The following PCDHA11 variants were observed in gnomAD, a reference collection of about 807,000 sequenced individuals.
The protein encoded by PCDHA11 is protocadherin alpha-11.
PCDHA11 carries 61 observed loss-of-function variants against 70.3 expected under a neutral mutation model. The ratio of observed to expected loss-of-function variants is 0.87; its 90% CI spans 0.71 to 1.07. PCDHA11 has a LOEUF of 1.07. Ranked by LOEUF, PCDHA11 falls within the 50% of genes least tolerant of loss-of-function variation. The probability of loss-of-function intolerance (pLI) is 0.00; values close to 1 mark genes in which losing one functional copy is unlikely to be tolerated. For synonymous variants in PCDHA11, 633 were observed against 555.1 expected, an observed-to-expected ratio of 1.14 and a Z score of -1.97; for missense variants, 1,324 against 1,237.5, an observed-to-expected ratio of 1.07 and a Z score of -1.05.
chr5:140,968,221 T>C, intron 1 of PCDHA11: 1 of 1,613,918 alleles, frequency 6.2e-7, no homozygotes, highest in Admixed American at 1.7e-5. Context: ...ATTTGCCAGG[T>C]GTGTTGCTCT....
intron 1 of PCDHA11, among the ~76,000 whole-genome samples, chr5:140,975,119 A>C (rs2096654213): frequency 6.6e-6 from 1 of 152,038 alleles, no homozygotes; most frequent in African/African-American, 2.4e-5. Context: ...CTGTTTTCCT[A>C]CTTACTATTG....
intron 1 of PCDHA11, among the ~76,000 whole-genome samples, chr5:140,976,317 G>A (rs1284415282): frequency 6.6e-6 from 1 of 152,212 alleles, no homozygotes; most frequent in Admixed American, 6.5e-5. Context: ...TTGGGAGGCC[G>A]AGGAGGGTGG....
intron 1 of PCDHA11, among the ~76,000 whole-genome samples, chr5:140,962,106 C>T (rs1156902232): frequency 4.6e-5 from 7 of 152,130 alleles, no homozygotes; most frequent in Non-Finnish European, 7.4e-5. Context: ...AGGATGGTCT[C>T]GATCTCCTAA....
chr5:140,884,731 C>T (rs2060333216), intron 1 of PCDHA11: 2 of 1,449,296 alleles, frequency 1.4e-6, no homozygotes, highest in East Asian at 4.9e-5. Flanking sequence ...TTGTTTAAGA[C>T]ATCTTTCCTG....
At chr5:140,938,125 A>G (rs1339364898) in intron 1 of PCDHA11, among the ~76,000 whole-genome samples, 1 of 152,120 alleles carries the variant, frequency 6.6e-6, no homozygotes, top group Admixed American at 6.5e-5. Context: ...TTTTTTAAAA[A>G]AATAGAGATA....
intron 1 of PCDHA11, chr5:140,929,861 G>C (rs2086430114): frequency 6.5e-6 from 1 of 153,628 alleles, no homozygotes; most frequent in Admixed American, 6.5e-5. Context: ...AGTCAGAGAA[G>C]GCTTTGTGAT....
At chr5:140,927,051 G>C (rs1554203978) in intron 1 of PCDHA11, 1 of 1,611,998 alleles carries the variant, frequency 6.2e-7, no homozygotes, top group Non-Finnish European at 8.5e-7. Flanking sequence ...TGTCCTCGCG[G>C]AACTTTCGCT....
chr5:140,870,391 G>A lies in PCDHA11; in HGVS notation c.1288G>A (p.Gly430Ser). 1.9e-6 allele frequency: 3 copies of A among 1,614,230 alleles called. No homozygotes were observed. Among genetic ancestry groups the A allele is most frequent in the East Asian group, 2.2e-5 (1 of 44,872 alleles). ...YELVVTARDG[G>S]SPSLWATARV... The stretch of plus-strand genomic sequence containing the variant: ...ACTGGTGGTGACTGCGCGGGATGGG[G>A]GTTCGCCTTCTCTGTGGGCCACGGC... The change falls in exon 1 of 4, where the codon GGT becomes AGT. Residue 430 changes from glycine (G) to serine (S), a missense_variant. Gly to Ser is a moderately conservative substitution (Grantham distance 56). Transcript: ENST00000398640.
At chr5:140,908,844 C>T (rs533219921) in intron 1 of PCDHA11, among the ~76,000 whole-genome samples, 2 of 152,272 alleles carry the variant, frequency 1.3e-5, no homozygotes, top group African/African-American at 4.8e-5. Context: ...GCTGGAGTAA[C>T]ATACCCAAAT....
chr5:140,907,433 G>A (rs1006736760), intron 1 of PCDHA11, among the ~76,000 whole-genome samples: 5 of 152,246 alleles, frequency 3.3e-5, no homozygotes, highest in Admixed American at 1.3e-4. Context: ...GGCATTCTGT[G>A]AGTCCACAGA....
At chr5:140,899,512 G>T (rs4386771) in intron 1 of PCDHA11, among the ~76,000 whole-genome samples, 1 of 152,040 alleles carries the variant, frequency 6.6e-6, no homozygotes, top group African/African-American at 2.4e-5. Flanking sequence ...TGCATATATT[G>T]CATCCCAGGG....
intron 1 of PCDHA11, among the ~76,000 whole-genome samples, chr5:140,965,879 G>A (rs920261632): frequency 6.6e-6 from 1 of 152,216 alleles, no homozygotes; most frequent in Non-Finnish European, 1.5e-5. Flanking sequence ...ACTTGGCCGA[G>A]AGCAGAATTG....
intron 1 of PCDHA11, among the ~76,000 whole-genome samples, chr5:140,931,396 G>A (rs1554208395): frequency 1.3e-5 from 2 of 152,118 alleles, no homozygotes; most frequent in Non-Finnish European, 2.9e-5. Context: ...ATAAGTAAGC[G>A]ATAGGAAGGC....
intron 3 of PCDHA11, among the ~76,000 whole-genome samples, chr5:140,992,707 C>T (rs1554253127): frequency 1.3e-5 from 2 of 152,056 alleles, no homozygotes; most frequent in Admixed American, 1.3e-4. Flanking sequence ...AATGTTCCTG[C>T]CAGTATTCGT....
chr5:140,869,204 C>G lies in PCDHA11; in HGVS notation c.101C>G (p.Ser34Cys), dbSNP rs199956165. 29 of 1,613,960 alleles carry G rather than the reference C, an allele frequency of 1.8e-5. No homozygotes were observed. The highest frequency in any genetic ancestry group is 2.4e-5 in the Non-Finnish European group (28 of 1,179,884). Residue 34 changes from serine (S) to cysteine (C), a missense_variant, in exon 1 of 4, where the codon TCC becomes TGC. Transcript: ENST00000398640. ...WEVGSGQLHY[S>C]VSEEAKHGTF... is the part of the protein sequence containing the mutation. ...GTGGGGAGCGGCCAGCTCCACTACT[C>G]CGTCTCGGAGGAGGCCAAACACGGC... is the stretch of plus-strand genomic sequence containing the variant.
chr5:140,880,327 T>C (rs2058305796), intron 1 of PCDHA11, among the ~76,000 whole-genome samples: 1 of 152,118 alleles, frequency 6.6e-6, no homozygotes, highest in African/African-American at 2.4e-5. Context: ...AATAAGATAC[T>C]AAAAATAAGA....
intron 1 of PCDHA11, among the ~76,000 whole-genome samples, chr5:140,971,717 T>C (rs2096494226): frequency 6.6e-6 from 1 of 152,012 alleles, no homozygotes; most frequent in Non-Finnish European, 1.5e-5. Flanking sequence ...TATAGATATA[T>C]GTATATCATA....
At chr5:140,876,709 C>T (rs782033453) in intron 1 of PCDHA11, 1 of 1,614,248 alleles carries the variant, frequency 6.2e-7, no homozygotes, top group Non-Finnish European at 8.5e-7. Context: ...GGACAGCGCC[C>T]TGGACCGCGA....
In PCDHA11 at chr5:140,871,163, GC is replaced by G; in HGVS notation, c.2063del (p.Pro688GlnfsTer12). 1 of 1,613,476 alleles carries G rather than the reference GC, an allele frequency of 6.2e-7. No homozygotes were observed. Among genetic ancestry groups the G allele is most frequent in the Non-Finnish European group, 8.5e-7 (1 of 1,179,930 alleles). On this transcript the variant is annotated frameshift_variant, in exon 1 of 4. Transcript: ENST00000398640. LOFTEE classifies it high-confidence loss of function. The part of the protein sequence containing the change: ...ASSRTLAGAA[S>X]PEAALVDVNV... ...TCCCGGACTTTGGCGGGCGCCGCGA[GC>G]CCAGAGGCTGCGCTGGTGGATGTCA...
Sources: gnomAD v4.1 joint callset for allele counts (sites outside exome capture counted in the v4.1 genomes callset) on GRCh38, gnomAD v4.1.1 for gene constraint, MANE v1.5 for transcripts, NCBI Gene and HGNC (gene_info 2026-07-23, HGNC 2026-07-21) for gene names.